The following SLC24A2 variants were observed in gnomAD, a reference collection of about 807,000 sequenced individuals.
The protein encoded by SLC24A2 is sodium/potassium/calcium exchanger 2.
In SLC24A2, 36 loss-of-function variants were observed where a neutral mutation model predicts 62.0. That is an observed-to-expected ratio of 0.58 (90% CI 0.44 to 0.77). The LOEUF (loss-of-function observed/expected upper bound fraction) is 0.77. Among genes scored for constraint, SLC24A2 ranks in the 30% least tolerant of loss-of-function variants. SLC24A2 has a pLI of 0.00. For synonymous variants in SLC24A2, 358 were observed against 294.0 expected, an observed-to-expected ratio of 1.22 and a Z score of -2.23; for missense variants, 846 against 817.9, an observed-to-expected ratio of 1.03 and a Z score of -0.42.
chr9:20,009,951 CA>C, the SLC24A2 span, among the ~76,000 whole-genome samples: 1 of 152,148 alleles, frequency 6.6e-6, no homozygotes, highest in African/African-American at 2.4e-5. Context: ...CCTTGGAGTC[CA>C]TTGCATGGCC....
At chr9:20,012,403 T>C in the SLC24A2 span, among the ~76,000 whole-genome samples, 10 of 152,186 alleles carry the variant, frequency 6.6e-5, no homozygotes, top group Non-Finnish European at 1.5e-4. Context: ...CCTGCCCCTA[T>C]GATTCAGTTA....
chr9:19,687,364 A>G (rs1229670403), intron 2 of SLC24A2, among the ~76,000 whole-genome samples: 1 of 152,152 alleles, frequency 6.6e-6, no homozygotes, highest in Admixed American at 6.6e-5. Context: ...CCTTGTGTAC[A>G]TAGTCCTCAA....
intron 2 of SLC24A2, among the ~76,000 whole-genome samples, chr9:19,784,529 C>T (rs985368738): frequency 6.6e-6 from 1 of 152,112 alleles, no homozygotes; most frequent in African/African-American, 2.4e-5. Context: ...CCTTGACAAT[C>T]GTTCAGTACT....
At chr9:20,194,691 T>C in the SLC24A2 span, among the ~76,000 whole-genome samples, 1 of 152,180 alleles carries the variant, frequency 6.6e-6, no homozygotes, top group Admixed American at 6.6e-5. Context: ...CCATGTTGTC[T>C]ATCCCTGTCT....
chr9:19,754,120 T>C (rs1822062713), intron 2 of SLC24A2, among the ~76,000 whole-genome samples: 1 of 152,186 alleles, frequency 6.6e-6, no homozygotes, highest in Non-Finnish European at 1.5e-5. Context: ...ACTACTCAGC[T>C]TTCACCAAGG....
the SLC24A2 span, among the ~76,000 whole-genome samples, chr9:19,984,026 G>T: frequency 2.0e-5 from 3 of 152,158 alleles, no homozygotes; most frequent in East Asian, 3.8e-4. Context: ...TATGTCCAGA[G>T]AAATCTGTAA....
intron 7 of SLC24A2, among the ~76,000 whole-genome samples, chr9:19,567,118 A>G (rs1481962640): frequency 2.7e-5 from 4 of 150,502 alleles, no homozygotes; most frequent in Non-Finnish European, 5.9e-5. Flanking sequence ...TAAAAAAAAT[A>G]TATATATAAA....
chr9:19,938,352 A>G, the SLC24A2 span, among the ~76,000 whole-genome samples: 2 of 152,146 alleles, frequency 1.3e-5, no homozygotes, highest in African/African-American at 2.4e-5. Flanking sequence ...AAACTGAAAG[A>G]TATTCTAAAC....
intron 5 of SLC24A2, among the ~76,000 whole-genome samples, chr9:19,585,605 A>C (rs1486671883): frequency 6.6e-6 from 1 of 152,238 alleles, no homozygotes; most frequent in Non-Finnish European, 1.5e-5. Flanking sequence ...AAAGATATGC[A>C]TGTATACTGA....
chr9:19,723,408 TA>T (rs1008803909), intron 2 of SLC24A2, among the ~76,000 whole-genome samples: 40 of 152,084 alleles, frequency 2.6e-4, no homozygotes, highest in African/African-American at 7.9e-4. Context: ...TCACCTCATT[TA>T]AAAAAAATAT....
chr9:19,903,843 T>C, the SLC24A2 span, among the ~76,000 whole-genome samples: 5 of 152,212 alleles, frequency 3.3e-5, no homozygotes, highest in African/African-American at 7.2e-5. Flanking sequence ...TATGCTCCTA[T>C]GCCTTGCTTA....
the SLC24A2 span, among the ~76,000 whole-genome samples, chr9:20,271,549 C>T: frequency 6.6e-6 from 1 of 152,306 alleles, no homozygotes; most frequent in African/African-American, 2.4e-5. Context: ...ACACAGAAGG[C>T]TCTCTCACTC....
chr9:19,858,115 C>T, the SLC24A2 span, among the ~76,000 whole-genome samples: 1 of 152,122 alleles, frequency 6.6e-6, no homozygotes, highest in Non-Finnish European at 1.5e-5. Flanking sequence ...TACTACAAGG[C>T]TACAGTAATC....
intron 2 of SLC24A2, among the ~76,000 whole-genome samples, chr9:19,684,084 G>T (rs897470383): frequency 6.6e-6 from 1 of 152,152 alleles, no homozygotes; most frequent in Non-Finnish European, 1.5e-5. Context: ...TAGACACAGG[G>T]TGCTCTAGGG....
the SLC24A2 span, among the ~76,000 whole-genome samples, chr9:20,167,311 A>G: frequency 1.3e-5 from 2 of 152,044 alleles, no homozygotes; most frequent in South Asian, 2.1e-4. Flanking sequence ...TTCTGAAAAA[A>G]TTTTTTGTGT....
chr9:20,121,377 T>A, the SLC24A2 span, among the ~76,000 whole-genome samples: 18 of 152,060 alleles, frequency 1.2e-4, no homozygotes, highest in African/African-American at 4.3e-4. Context: ...ATGAAATTTT[T>A]AAAAATACCA....
chr9:19,798,837 A>G, the SLC24A2 span, among the ~76,000 whole-genome samples: 1 of 152,216 alleles, frequency 6.6e-6, no homozygotes. Context: ...TTCTCAAATA[A>G]GGTATGCCCT....
At chr9:20,186,339 T>C in the SLC24A2 span, among the ~76,000 whole-genome samples, 1 of 152,208 alleles carries the variant, frequency 6.6e-6, no homozygotes, top group African/African-American at 2.4e-5. Context: ...ATCTCTGTAG[T>C]GTCTCTTCTG....
intron 2 of SLC24A2, among the ~76,000 whole-genome samples, chr9:19,776,821 C>T (rs1327410): frequency 0.36 from 55,073 of 152,034 alleles, 10,844 homozygotes; most frequent in Admixed American, 0.46. Flanking sequence ...GAATATTCCA[C>T]GTTGTAAATA....
Sources: allele counts gnomAD v4.1 joint callset (sites outside exome capture counted in the v4.1 genomes callset), GRCh38; gene constraint gnomAD v4.1.1; transcripts MANE v1.5; gene names NCBI Gene and HGNC (gene_info 2026-07-23, HGNC 2026-07-21).